CDK12: variants seen among roughly 807,000 people sequenced by gnomAD.
The protein encoded by CDK12 is cyclin-dependent kinase 12.
Under a neutral mutation model 133.8 loss-of-function variants are expected in CDK12, and 17 were observed. The ratio of observed to expected loss-of-function variants is 0.13; its 90% CI spans 0.09 to 0.19. CDK12 has a LOEUF of 0.19. CDK12 is among the 10% of genes least tolerant of loss of function. The probability of loss-of-function intolerance (pLI) is 1.00; values close to 1 mark genes in which losing one functional copy is unlikely to be tolerated. For synonymous variants in CDK12, 694 were observed against 683.6 expected, an observed-to-expected ratio of 1.02 and a Z score of -0.24; for missense variants, 1,508 against 1,818.7, an observed-to-expected ratio of 0.83 and a Z score of 3.11.
At chr17:39,514,209 C>T (rs2053658499) in intron 8 of CDK12, among the ~76,000 whole-genome samples, 1 of 152,040 alleles carries the variant, frequency 6.6e-6, no homozygotes, top group Non-Finnish European at 1.5e-5. Flanking sequence ...ATTTTATTTT[C>T]ACTTTTCCAT....
At chr17:39,465,233 CAG>C (rs1412106205) in intron 1 of CDK12, among the ~76,000 whole-genome samples, 1 of 118,968 alleles carries the variant, frequency 8.4e-6, no homozygotes, top group African/African-American at 3.2e-5. Flanking sequence ...GTGACAGAGA[CAG>C]AGTAAGACTC....
intron 13 of CDK12, 178 bp from the exon 14 acceptor site, chr17:39,530,426 G>C: frequency 1.2e-6 from 1 of 828,628 alleles, no homozygotes. Context: ...GGATGCAACT[G>C]TTTTACTTTT....
At chr17:39,465,004 T>A (rs938773179) in intron 1 of CDK12, among the ~76,000 whole-genome samples, 4 of 151,838 alleles carry the variant, frequency 2.6e-5, no homozygotes, top group Admixed American at 6.6e-5. Flanking sequence ...TCTCAGCACT[T>A]TGGGAGGCCG....
chr17:39,521,621 G>A lies in CDK12; in HGVS notation c.3095+1534G>A, dbSNP rs563899063. ...GTCGCCCAGGCTGGAGTGCAGTGGC[G>A]TGATCTCGGCTCACTGCAACCTCCA... is the stretch of plus-strand genomic sequence containing the variant. On this transcript the variant is annotated intron_variant, in intron 11 of 13. Coordinates refer to ENST00000447079, the MANE Select transcript of CDK12 (RefSeq NM_016507.4). 3.6e-4 allele frequency among the ~76,000 whole-genome samples: 55 copies of A among 152,146 alleles called. 2 individuals are homozygous for A. In the East Asian group the frequency reaches 9.5e-3, roughly 26 times the overall value.
chr17:39,481,067 A>G (rs1291879520), intron 2 of CDK12, among the ~76,000 whole-genome samples: 1 of 152,032 alleles, frequency 6.6e-6, no homozygotes, highest in African/African-American at 2.4e-5. Context: ...CAGCCTGGCC[A>G]ACATGGAGAA....
At position 39,533,940 on chromosome 17, in the gene CDK12, CAATT is replaced by C. The variant is rs1449765185; in HGVS notation, c.*2629_*2632del. 5 of 232,036 alleles carry C rather than the reference CAATT, an allele frequency of 2.2e-5. No homozygotes were observed. The highest frequency in any genetic ancestry group is 6.1e-5 in the East Asian group (1 of 16,436). The allele number at this position is 232,036 out of a possible 1,614,324, so 14.4% of individuals were successfully genotyped here. ...CTTGACTATTTGAAAATTACAGACC[CAATT>C]AATTCCATTCAAAAGTGGTTTTCGT... is the stretch of plus-strand genomic sequence containing the variant. On this transcript the variant is annotated 3_prime_UTR_variant, in exon 14 of 14. Transcript: ENST00000447079.
rs1420624016 is a variant in CDK12, at chr17:39,532,655, A to T, written c.*1339A>T. ...GGAAGAACAGTATTGACATACCCAC[A>T]TCCCAGCATGTGTACCCTGCCAGTT... is the stretch of plus-strand genomic sequence containing the variant. On this transcript the variant is annotated 3_prime_UTR_variant, in exon 14 of 14. Coordinates refer to ENST00000447079, the MANE Select transcript of CDK12 (RefSeq NM_016507.4). 4.3e-6 allele frequency: 1 copy of T among 232,846 alleles called. No homozygotes were observed. Among genetic ancestry groups the T allele is most frequent in the East Asian group, 6.0e-5 (1 of 16,604 alleles). 14.4% of individuals were successfully genotyped at this position (232,846 alleles called of 1,614,324 possible).
At chr17:39,503,800 G>A (rs2052899844) in intron 6 of CDK12, among the ~76,000 whole-genome samples, 1 of 152,198 alleles carries the variant, frequency 6.6e-6, no homozygotes, top group African/African-American at 2.4e-5. Context: ...AAATGGTGAA[G>A]GGTCGTCAGC....
intron 2 of CDK12, among the ~76,000 whole-genome samples, chr17:39,475,624 C>T (rs1192299163): frequency 6.7e-6 from 1 of 149,914 alleles, no homozygotes; most frequent in Non-Finnish European, 1.5e-5. Context: ...TGGCTCACTG[C>T]AAACTCCATC....
chr17:39,513,631 G>C (rs7503514), intron 8 of CDK12, among the ~76,000 whole-genome samples: 92,298 of 152,072 alleles, frequency 0.61, 31,671 homozygotes, highest in South Asian at 0.88. Context: ...CAGTAGCAAA[G>C]TGTTGATTAC....
chr17:39,559,936 G>A (rs2056315717), intron 3 of CDK12, among the ~76,000 whole-genome samples: 1 of 151,010 alleles, frequency 6.6e-6, no homozygotes, highest in Admixed American at 6.6e-5. Context: ...GACTACAGGT[G>A]CCTGCCACCA....
rs1316574941 is a variant in CDK12, at chr17:39,490,660, G to A, written c.2035G>A (p.Asp679Asn). 6.2e-7 allele frequency: 1 copy of A among 1,613,862 alleles called. No homozygotes were observed. Among genetic ancestry groups the A allele is most frequent in the Non-Finnish European group, 8.5e-7 (1 of 1,179,846 alleles). Residue 679 changes from aspartate to asparagine, a missense_variant, in exon 3 of 14, where the codon GAT (aspartate) becomes AAT (asparagine). By Grantham distance (23) the Asp-to-Asn change is conservative. Around this residue, in one of 9 missense-constraint regions of CDK12, gnomAD observed 347 missense variants for 330.8 expected, o/e 1.05. Coordinates refer to ENST00000447079, the MANE Select transcript of CDK12 (RefSeq NM_016507.4). ...LPLPPELPGG[D>N]LSPPDSPEPK... Reference sequence around the variant, plus strand: ...TCTCCCTCCAGAGCTCCCTGGTGGAGATCTGTCTCCCCCAGACTCTCCAGA... The same window carrying A: ...TCTCCCTCCAGAGCTCCCTGGTGGAAATCTGTCTCCCCCAGACTCTCCAGA...
At chr17:39,521,122 G>A (rs1411949801) in intron 11 of CDK12, among the ~76,000 whole-genome samples, 1 of 152,178 alleles carries the variant, frequency 6.6e-6, no homozygotes, top group Non-Finnish European at 1.5e-5. Flanking sequence ...TGGGATTACA[G>A]GCATGAGCCA....
upstream of CDK12, among the ~76,000 whole-genome samples, chr17:39,548,426 C>T (rs986536259): frequency 5.9e-5 from 9 of 152,328 alleles, no homozygotes; most frequent in South Asian, 6.2e-4. Context: ...CCGTTGTCCC[C>T]CTGCCTTAAT....
In CDK12 at chr17:39,509,765, A is replaced by G; in HGVS notation, c.2666+4A>G. 3.1e-6 allele frequency: 5 copies of G among 1,601,218 alleles called. No individual in the cohort carries two copies. The highest frequency in any genetic ancestry group is 3.4e-6 in the Non-Finnish European group (4 of 1,168,360). On this transcript the variant is annotated splice_donor_region_variant and intron_variant, in intron 7 of 13. Transcript: ENST00000447079. ...GGCTCTATAACTCTGAAGAGAGGTAAGGCATTAATTAAAATTACATGTGGG... is the reference window on the plus strand; with the variant it reads ...GGCTCTATAACTCTGAAGAGAGGTAGGGCATTAATTAAAATTACATGTGGG...
chr17:39,477,148 G>A (rs994056530), intron 2 of CDK12, among the ~76,000 whole-genome samples: 2 of 151,854 alleles, frequency 1.3e-5, no homozygotes, highest in Admixed American at 1.3e-4. Flanking sequence ...AGCCTCCTGA[G>A]TAGCTGGGAC....
intron 3 of CDK12, among the ~76,000 whole-genome samples, chr17:39,558,231 C>A (rs545208348): frequency 6.6e-6 from 1 of 152,136 alleles, no homozygotes; most frequent in Non-Finnish European, 1.5e-5. Context: ...ACTCAGACTC[C>A]CCAAGAAATC....
At chr17:39,515,373 A>C (rs2053737729) in intron 8 of CDK12, among the ~76,000 whole-genome samples, 1 of 152,202 alleles carries the variant, frequency 6.6e-6, no homozygotes, top group South Asian at 2.1e-4. Context: ...TGCAGAGAGC[A>C]TCCTTGTTTA....
At position 39,462,495 on chromosome 17, in the gene CDK12, T is replaced by A. The variant is rs201864067; in HGVS notation, c.424T>A (p.Ser142Thr). ...CCAAGAAGTCTCCAGCAAGTCGGGATCGATGAAGGACCGGATATCGGGAAG... is the reference window on the plus strand; with the variant it reads ...CCAAGAAGTCTCCAGCAAGTCGGGAACGATGAAGGACCGGATATCGGGAAG... Reference protein sequence around the residue: ...KSQEVSSKSGSMKDRISGSSK... With the variant: ...KSQEVSSKSGTMKDRISGSSK... Residue 142 changes from serine (S) to threonine (T), a missense_variant, in exon 1 of 14, where the codon TCG (serine) becomes ACG (threonine). Around this residue, in one of 9 missense-constraint regions of CDK12, gnomAD observed 460 missense variants for 490.8 expected, o/e 0.94. Coordinates refer to ENST00000447079, the MANE Select transcript of CDK12 (RefSeq NM_016507.4). The A allele has an allele frequency of 2.7e-5, 43 of 1,613,956 alleles. No homozygotes were observed. Among genetic ancestry groups the A allele is most frequent in the Non-Finnish European group, 2.5e-6 (3 of 1,180,012 alleles).
Sources: gnomAD v4.1 joint callset for allele counts (sites outside exome capture counted in the v4.1 genomes callset) on GRCh38, gnomAD v4.1.1 for gene constraint, gnomAD v4.1.1 regional missense constraint, MANE v1.5 for transcripts, NCBI Gene and HGNC (gene_info 2026-07-23, HGNC 2026-07-21) for gene names.